FNDC3B: variants seen among roughly 807,000 people sequenced by gnomAD.
FNDC3B encodes the protein fibronectin type III domain-containing protein 3B.
FNDC3B carries 12 observed loss-of-function variants against 151.5 expected under a neutral mutation model. The ratio of observed to expected loss-of-function variants is 0.08; its 90% CI spans 0.05 to 0.13. The LOEUF (loss-of-function observed/expected upper bound fraction) is 0.13, where lower values mean the gene tolerates loss of function less well. FNDC3B is among the 10% of genes least tolerant of loss of function. FNDC3B has a pLI of 1.00. For synonymous variants in FNDC3B, 528 were observed against 549.0 expected (o/e 0.96, Z 0.54); for missense variants, 1,214 against 1,505.3 (o/e 0.81, Z 3.20).
intron 3 of FNDC3B, among the ~76,000 whole-genome samples, chr3:172,191,810 A>G (rs1049092170): frequency 6.6e-6 from 1 of 152,018 alleles, no homozygotes; most frequent in African/African-American, 2.4e-5. Context: ...GGCACTGTGT[A>G]TTTTGCAGCA....
At chr3:172,081,901 A>G (rs1718297952) in intron 1 of FNDC3B, among the ~76,000 whole-genome samples, 1 of 152,226 alleles carries the variant, frequency 6.6e-6, no homozygotes. Flanking sequence ...TTTTAAGGAA[A>G]ATAATTTCCT....
At chr3:172,340,194 A>T (rs547993633) in intron 16 of FNDC3B, among the ~76,000 whole-genome samples, 1 of 151,778 alleles carries the variant, frequency 6.6e-6, no homozygotes, top group East Asian at 1.9e-4. Flanking sequence ...ACTCCTGGTG[A>T]CCGTTTCTCT....
At chr3:172,165,635 A>G (rs1299884285) in intron 3 of FNDC3B, among the ~76,000 whole-genome samples, 1 of 152,246 alleles carries the variant, frequency 6.6e-6, no homozygotes, top group Admixed American at 6.5e-5. Context: ...ACAGAGTAGA[A>G]GTGAGTTTTC....
intron 1 of FNDC3B, among the ~76,000 whole-genome samples, chr3:172,110,490 G>C (rs887715999): frequency 2.0e-5 from 3 of 151,934 alleles, no homozygotes; most frequent in Non-Finnish European, 4.4e-5. Context: ...CCTAATAGAA[G>C]GACCTATGGA....
intron 16 of FNDC3B, among the ~76,000 whole-genome samples, chr3:172,340,694 C>T (rs559975131): frequency 3.9e-5 from 6 of 152,308 alleles, no homozygotes; most frequent in South Asian, 2.1e-4. Context: ...GAAATTCTTG[C>T]GTACCACCCC....
At chr3:172,232,898 A>C (rs1020697337) in intron 4 of FNDC3B, among the ~76,000 whole-genome samples, 1 of 152,182 alleles carries the variant, frequency 6.6e-6, no homozygotes, top group Non-Finnish European at 1.5e-5. Flanking sequence ...ATGTTATGTG[A>C]GGTGTGGCAC....
chr3:172,189,207 T>C (rs9827093), intron 3 of FNDC3B, among the ~76,000 whole-genome samples: 19,117 of 152,218 alleles, frequency 0.13, 2,553 homozygotes, highest in African/African-American at 0.34. Context: ...TACTAGGGTG[T>C]TATTTTAGGG....
At position 172,208,447 on chromosome 3, in the gene FNDC3B, G is replaced by A. The variant is rs375029533; in HGVS notation, c.188-18424G>A. ...GCAGGTTAGGGGGCATGAGTATATC[G>A]AGAACAAATGGAGAAGACCGAATGT... On this transcript the variant is annotated intron_variant, in intron 3 of 25. Coordinates refer to ENST00000415807, the MANE Select transcript of FNDC3B (RefSeq NM_022763.4). Among the ~76,000 whole-genome samples, 17 of 152,248 alleles carry A rather than the reference G, an allele frequency of 1.1e-4. No homozygotes were observed. The East Asian group carries it at 1.7e-3, about 16-fold the overall frequency.
rs1257866901 is a variant in FNDC3B, at chr3:172,096,107, A to G, written c.-28-16345A>G. On this transcript the variant is annotated intron_variant, in intron 1 of 25. Coordinates refer to ENST00000415807, the MANE Select transcript of FNDC3B (RefSeq NM_022763.4). ...TTTTACTGGTAACAATACAACCTAG[A>G]TGCTCAGGGTTAATTAAGTATTCTG... 2.0e-5 allele frequency among the ~76,000 whole-genome samples: 3 copies of G among 152,232 alleles called. No individual in the cohort carries two copies. In the East Asian group the frequency reaches 5.8e-4, roughly 29 times the overall value.
chr3:172,251,920 C>A (rs1357785330), intron 6 of FNDC3B, among the ~76,000 whole-genome samples: 1 of 152,168 alleles, frequency 6.6e-6, no homozygotes, highest in Non-Finnish European at 1.5e-5. Context: ...AATAATTATA[C>A]CTCATAAACC....
intron 1 of FNDC3B, among the ~76,000 whole-genome samples, chr3:172,082,752 T>C (rs952899075): frequency 6.6e-6 from 1 of 152,196 alleles, no homozygotes; most frequent in Non-Finnish European, 1.5e-5. Context: ...TTTTTATGAC[T>C]CTTTGCCTAA....
intron 3 of FNDC3B, among the ~76,000 whole-genome samples, chr3:172,136,683 C>A (rs1167845554): frequency 6.6e-6 from 1 of 152,170 alleles, no homozygotes; most frequent in Non-Finnish European, 1.5e-5. Context: ...TACTTATGTT[C>A]TTTGAACACT....
At chr3:172,122,237 G>A (rs777128518) in intron 2 of FNDC3B, among the ~76,000 whole-genome samples, 3 of 151,822 alleles carry the variant, frequency 2.0e-5, no homozygotes, top group Admixed American at 6.6e-5. Flanking sequence ...CGTAAAATTC[G>A]TAACATTAAT....
At position 172,256,812 on chromosome 3, in the gene FNDC3B, C is replaced by T. The variant is rs1389382287; in HGVS notation, c.790+5271C>T. Among the ~76,000 whole-genome samples the T allele has an allele frequency of 3.3e-5, 5 of 151,962 alleles. No individual in the cohort carries two copies. In the East Asian group the frequency reaches 9.6e-4, roughly 29 times the overall value. ...AAAAACAAAAGCTTTGATGAGGATC[C>T]ACTGTTTAATTTTAAAAGACCTAAG... On this transcript the variant is annotated intron_variant, in intron 6 of 25. Transcript: ENST00000415807.
At chr3:172,069,175 G>T (rs1717647103) in intron 1 of FNDC3B, among the ~76,000 whole-genome samples, 1 of 152,084 alleles carries the variant, frequency 6.6e-6, no homozygotes, top group Non-Finnish European at 1.5e-5. Flanking sequence ...GGTGAGTTTC[G>T]CCAGGGCTTC....
At chr3:172,195,361 A>G (rs1422398041) in intron 3 of FNDC3B, among the ~76,000 whole-genome samples, 1 of 152,224 alleles carries the variant, frequency 6.6e-6, no homozygotes, top group Non-Finnish European at 1.5e-5. Context: ...GAAATGATTG[A>G]ACATTTTATT....
rs147789114 is a variant in FNDC3B at position 172,118,582 on chromosome 3, C to T, written c.111+5992C>T. Among the ~76,000 whole-genome samples, 644 of 152,296 alleles carry T rather than the reference C, an allele frequency of 4.2e-3. 7 individuals carry two copies. The highest frequency in any genetic ancestry group is 0.014 in the African/African-American group (600 of 41,572). ...GACTGCAGCTATTATTGCTAAATAA[C>T]ATTATAGAAGAGCTCCTTTTGTGGC... On this transcript the variant is annotated intron_variant, in intron 2 of 25. Transcript: ENST00000415807.
intron 25 of FNDC3B, among the ~76,000 whole-genome samples, chr3:172,386,423 TCTTGGTG>T (rs1245658391): frequency 1.3e-5 from 2 of 152,196 alleles, no homozygotes; most frequent in Admixed American, 6.5e-5. Flanking sequence ...TTACTGAAAT[TCTTGGTG>T]CTCAGATTTG....
At chr3:172,132,562 C>T (rs183125120) in intron 2 of FNDC3B, among the ~76,000 whole-genome samples, 16 of 152,196 alleles carry the variant, frequency 1.1e-4, no homozygotes, top group South Asian at 2.1e-4. Flanking sequence ...CCTGCCACCA[C>T]GCCTGGTTAA....
Sources: gnomAD v4.1 joint callset for allele counts (sites outside exome capture counted in the v4.1 genomes callset) on GRCh38, gnomAD v4.1.1 for gene constraint, MANE v1.5 for transcripts, NCBI Gene and HGNC (gene_info 2026-07-23, HGNC 2026-07-21) for gene names.